Variants in SPOCK1 observed in about 807,000 individuals in gnomAD.
The protein encoded by SPOCK1 is testican-1.
SPOCK1 carries 23 observed loss-of-function variants against 55.3 expected under a neutral mutation model. That is an observed-to-expected ratio of 0.42 (90% CI 0.30 to 0.59). The LOEUF (loss-of-function observed/expected upper bound fraction) is 0.59. Ranked by LOEUF, SPOCK1 falls within the 20% of genes least tolerant of loss-of-function variation. SPOCK1 has a pLI of 0.22. For synonymous variants in SPOCK1, 226 were observed against 221.0 expected, an observed-to-expected ratio of 1.02 and a Z score of -0.20; for missense variants, 499 against 552.5, an observed-to-expected ratio of 0.90 and a Z score of 0.97.
chr5:136,985,216 T>C lies in SPOCK1; in HGVS notation c.929-14A>G, dbSNP rs748232895. On this transcript the variant is annotated splice_polypyrimidine_tract_variant and intron_variant, in intron 8 of 10. Transcript: ENST00000394945. ...GGCAAGGGAGACCTAAAAAATAATT[T>C]CTGAAAGTCAGCTTCCAGATGGTAT... 6.2e-6 allele frequency: 10 copies of C among 1,613,538 alleles called. No individual in the cohort carries two copies. The highest frequency in any genetic ancestry group is 7.6e-6 in the Non-Finnish European group (9 of 1,179,590).
At chr5:137,337,910 T>C (rs1561508657) in intron 2 of SPOCK1, among the ~76,000 whole-genome samples, 1 of 152,122 alleles carries the variant, frequency 6.6e-6, no homozygotes, top group South Asian at 2.1e-4. Flanking sequence ...CCTGAATGAG[T>C]TCTCATCGTG....
chr5:137,319,768 AC>A (rs1347259544), intron 2 of SPOCK1, among the ~76,000 whole-genome samples: 1 of 151,626 alleles, frequency 6.6e-6, no homozygotes, highest in Non-Finnish European at 1.5e-5. Context: ...ACAAGGTGAA[AC>A]CCCGTCTCTA....
intron 4 of SPOCK1, among the ~76,000 whole-genome samples, chr5:137,115,869 TA>T (rs1221035344): frequency 6.6e-6 from 1 of 152,144 alleles, no homozygotes; most frequent in Non-Finnish European, 1.5e-5. Context: ...GTGCAAATCA[TA>T]AAAAAATAAC....
rs199631108 is a variant in SPOCK1, at chr5:137,136,392, C to CA, written c.347+4187dup. Among the ~76,000 whole-genome samples, 389 of 150,200 alleles carry CA rather than the reference C, an allele frequency of 2.6e-3. 6 individuals are homozygous for CA. Among genetic ancestry groups the CA allele is most frequent in the African/African-American group, 9.0e-3 (368 of 40,934 alleles). ...TTCACCCAGATGATGGAGACTGTCT[C>CA]AAAAAAAAATTATATCTATAAATAA... is the stretch of plus-strand genomic sequence containing the variant. On this transcript the variant is annotated intron_variant, in intron 4 of 10. Coordinates refer to ENST00000394945, the MANE Select transcript of SPOCK1 (RefSeq NM_004598.4).
intron 2 of SPOCK1, among the ~76,000 whole-genome samples, chr5:137,394,456 A>G (rs915158945): frequency 1.3e-5 from 2 of 152,236 alleles, no homozygotes; most frequent in African/African-American, 4.8e-5. Context: ...GGACAGCATT[A>G]TAATTCATCA....
At chr5:137,286,554 T>C (rs1757270161) in intron 2 of SPOCK1, among the ~76,000 whole-genome samples, 1 of 152,114 alleles carries the variant, frequency 6.6e-6, no homozygotes, top group South Asian at 2.1e-4. Context: ...ACTAGGCCCA[T>C]GGTGGCTGCA....
At chr5:136,991,334 A>AT (rs954622338) in intron 7 of SPOCK1, among the ~76,000 whole-genome samples, 7 of 151,874 alleles carry the variant, frequency 4.6e-5, no homozygotes, top group Non-Finnish European at 7.4e-5. Context: ...CTTAAATGCT[A>AT]TTTTTTTCTT....
intron 2 of SPOCK1, among the ~76,000 whole-genome samples, chr5:137,431,113 A>C (rs549596146): frequency 6.6e-6 from 1 of 152,332 alleles, no homozygotes; most frequent in Admixed American, 6.5e-5. Flanking sequence ...AGACCCAGAG[A>C]ATCAGATGTT....
At chr5:137,346,809 G>T (rs954811628) in intron 2 of SPOCK1, among the ~76,000 whole-genome samples, 3 of 152,182 alleles carry the variant, frequency 2.0e-5, no homozygotes, top group Non-Finnish European at 4.4e-5. Context: ...CGTGCAATAC[G>T]TGAGCCCTGT....
chr5:137,445,920 G>A (rs1753118206), intron 2 of SPOCK1, among the ~76,000 whole-genome samples: 1 of 152,146 alleles, frequency 6.6e-6, no homozygotes, highest in African/African-American at 2.4e-5. Context: ...TAAATTCCAA[G>A]GGGGTGCATC....
intron 2 of SPOCK1, among the ~76,000 whole-genome samples, chr5:137,378,815 T>C (rs1751388679): frequency 6.6e-6 from 1 of 152,054 alleles, no homozygotes; most frequent in Non-Finnish European, 1.5e-5. Context: ...GAGTTTGAAG[T>C]GGGGCTTGAA....
chr5:137,487,760 G>A (rs1376999067), intron 2 of SPOCK1, among the ~76,000 whole-genome samples: 1 of 152,158 alleles, frequency 6.6e-6, no homozygotes, highest in Non-Finnish European at 1.5e-5. Flanking sequence ...ATGTGTGCAA[G>A]CATCCCTGGG....
intron 3 of SPOCK1, among the ~76,000 whole-genome samples, chr5:137,220,836 G>A (rs1217827382): frequency 6.6e-6 from 1 of 152,176 alleles, no homozygotes; most frequent in East Asian, 1.9e-4. Flanking sequence ...CCTTTCTCGG[G>A]CACACACATG....
chr5:137,062,299 CG>C (rs1413964557), intron 6 of SPOCK1, among the ~76,000 whole-genome samples: 1 of 151,962 alleles, frequency 6.6e-6, no homozygotes, highest in Admixed American at 6.6e-5. Context: ...GTCCTCACCT[CG>C]GGGAAGGGGA....
intron 2 of SPOCK1, among the ~76,000 whole-genome samples, chr5:137,283,333 A>C (rs1757199920): frequency 6.6e-6 from 1 of 152,194 alleles, no homozygotes; most frequent in Non-Finnish European, 1.5e-5. Flanking sequence ...GCCTGAAGTG[A>C]CAAACTTCTA....
intron 2 of SPOCK1, among the ~76,000 whole-genome samples, chr5:137,401,255 C>T (rs922675716): frequency 4.6e-5 from 7 of 152,148 alleles, no homozygotes; most frequent in Admixed American, 2.6e-4. Context: ...ATCATTCCAA[C>T]AGGGACAAGA....
In SPOCK1 at chr5:136,995,130, G is replaced by C. The variant is rs1023160853; in HGVS notation, c.590-2530C>G. 2.0e-5 allele frequency among the ~76,000 whole-genome samples: 3 copies of C among 152,236 alleles called. No individual in the cohort carries two copies. The East Asian group carries it at 5.8e-4, about 29-fold the overall frequency. On this transcript the variant is annotated intron_variant, in intron 6 of 10. Transcript: ENST00000394945. ...GACGCAGAATCTTCCCACCGCAGCA[G>C]GGTGTCGTGCTGGGCAGCACTGAAT...
intron 2 of SPOCK1, among the ~76,000 whole-genome samples, chr5:137,337,792 T>C (rs997877067): frequency 3.3e-5 from 5 of 152,244 alleles, no homozygotes; most frequent in African/African-American, 1.2e-4. Flanking sequence ...TTTGAGTTTC[T>C]CCTTGTCATT....
intron 2 of SPOCK1, among the ~76,000 whole-genome samples, chr5:137,493,426 A>G (rs1754230975): frequency 6.6e-6 from 1 of 152,212 alleles, no homozygotes; most frequent in African/African-American, 2.4e-5. Flanking sequence ...TTATCCTCCC[A>G]GTGATACAGT....
Sources: allele counts gnomAD v4.1 joint callset (sites outside exome capture counted in the v4.1 genomes callset), GRCh38; gene constraint gnomAD v4.1.1; transcripts MANE v1.5; gene names NCBI Gene and HGNC (gene_info 2026-07-23, HGNC 2026-07-21).